ASAP2: variants seen among roughly 807,000 people sequenced by gnomAD.
The protein encoded by ASAP2 is ArfGAP with SH3 domain, ankyrin repeat and PH domain 2.
In ASAP2, 45 loss-of-function variants were observed where a neutral mutation model predicts 131.4. The ratio of observed to expected loss-of-function variants is 0.34; its 90% CI spans 0.27 to 0.44. The LOEUF (loss-of-function observed/expected upper bound fraction) is 0.44, where lower values mean the gene tolerates loss of function less well. Ranked by LOEUF, ASAP2 falls within the 20% of genes least tolerant of loss-of-function variation. ASAP2 has a pLI of 1.00. For missense variants in ASAP2, 1,011 were observed against 1,297.0 expected, an observed-to-expected ratio of 0.78 and a Z score of 3.39; for synonymous variants, 510 against 503.0, an observed-to-expected ratio of 1.01 and a Z score of -0.19.
At chr2:9,250,114 G>A (rs904954716) in intron 1 of ASAP2, among the ~76,000 whole-genome samples, 106 of 152,186 alleles carry the variant, frequency 7.0e-4, no homozygotes, top group Middle Eastern at 3.4e-3. Context: ...TGCTTTGTAG[G>A]GTTTCATAAA....
intron 3 of ASAP2, among the ~76,000 whole-genome samples, chr2:9,297,864 T>C (rs1051833803): frequency 6.6e-6 from 1 of 152,126 alleles, no homozygotes; most frequent in Non-Finnish European, 1.5e-5. Context: ...GCACAGAAAT[T>C]ACCATGAATA....
At chr2:9,393,396 CCCT>C in intron 23 of ASAP2, 83 bp from the exon 24 acceptor site, 1 of 1,191,652 alleles carries the variant, frequency 8.4e-7, no homozygotes, top group Non-Finnish European at 1.1e-6. Flanking sequence ...AAAACTGAAG[CCCT>C]TCTCAGAAAA....
intron 6 of ASAP2, among the ~76,000 whole-genome samples, chr2:9,327,139 G>A (rs114875337): frequency 0.022 from 2,505 of 111,364 alleles, 86 homozygotes; most frequent in African/African-American, 0.081. Flanking sequence ...CCCCACCCCC[G>A]CCCATCCTTT....
At chr2:9,363,475 A>C (rs928927033) in intron 15 of ASAP2, among the ~76,000 whole-genome samples, 1 of 152,208 alleles carries the variant, frequency 6.6e-6, no homozygotes, top group African/African-American at 2.4e-5. Flanking sequence ...GATAAAAGCC[A>C]TTCTAACAGG....
Position 9,239,015 on chromosome 2 carries a change from A to G in ASAP2, c.126+31785A>G, listed in dbSNP as rs116193316. ...GTAGAGAAAGAGTGGCCTCCTGCCC[A>G]TCCCTCCCAGCCCCTCTCTGTCCCG... On this transcript the variant is annotated intron_variant, in intron 1 of 27. Transcript: ENST00000281419. Among the ~76,000 whole-genome samples the G allele has an allele frequency of 5.5e-3, 834 of 152,046 alleles. 6 individuals carry two copies. Among genetic ancestry groups the G allele is most frequent in the African/African-American group, 0.019 (800 of 41,476 alleles).
At chr2:9,302,595 C>T (rs548361429) in intron 3 of ASAP2, among the ~76,000 whole-genome samples, 1 of 152,284 alleles carries the variant, frequency 6.6e-6, no homozygotes, top group East Asian at 1.9e-4. Context: ...GTGCCTCAGC[C>T]TCCCAAGTAG....
chr2:9,230,653 C>T (rs1461831377), intron 1 of ASAP2, among the ~76,000 whole-genome samples: 3 of 152,136 alleles, frequency 2.0e-5, no homozygotes, highest in East Asian at 1.9e-4. Flanking sequence ...AGCTGCTTGG[C>T]GAGGAGGACG....
At chr2:9,397,731 T>G (rs1163805547) in intron 24 of ASAP2, among the ~76,000 whole-genome samples, 942 of 85,002 alleles carry the variant, frequency 0.011, 119 homozygotes, top group African/African-American at 0.075. Flanking sequence ...CAAAAGGATA[T>G]ATATATATAT....
chr2:9,301,260 A>T (rs558769251), intron 3 of ASAP2, among the ~76,000 whole-genome samples: 1 of 152,222 alleles, frequency 6.6e-6, no homozygotes, highest in Non-Finnish European at 1.5e-5. Context: ...AAGAATGTTT[A>T]TAAAGCAGTT....
chr2:9,304,843 A>AT (rs1193568796), intron 3 of ASAP2, among the ~76,000 whole-genome samples: 1 of 134,040 alleles, frequency 7.5e-6, no homozygotes, highest in Non-Finnish European at 1.6e-5. Flanking sequence ...GGGTGTAGAT[A>AT]TTGGTGGAGG....
intron 6 of ASAP2, 148 bp downstream of exon 6, chr2:9,323,398 T>C: frequency 1.6e-6 from 2 of 1,251,464 alleles, no homozygotes; most frequent in South Asian, 1.5e-5. Flanking sequence ...ACATTTCTTT[T>C]ACTAGGGAAG....
chr2:9,391,046 A>G lies in ASAP2; in HGVS notation c.2384-16A>G, dbSNP rs1675676945. ...TGTGTGCGTGCATGCGTCTGTGTGC[A>G]TGCGTGTGGGTTCAGTTCAGACAGC... On this transcript the variant is annotated splice_polypyrimidine_tract_variant and intron_variant, in intron 22 of 27. Transcript: ENST00000281419. 4 of 1,614,178 alleles carry G rather than the reference A, an allele frequency of 2.5e-6. No homozygotes were observed. In the East Asian group the frequency reaches 6.7e-5, roughly 27 times the overall value.
Position 9,400,023 on chromosome 2 carries a change from G to T in ASAP2, c.2685G>T (p.Gly895=). Residue 895 remains glycine (G), a splice_region_variant and synonymous_variant, in exon 25 of 28, where the codon GGG becomes GGT. Transcript: ENST00000281419. The part of the protein sequence containing the change: ...SRLPQKKPAP[G]ADKSTPLTNK... Reference sequence around the variant, plus strand: ...ATCTACTTTTTCCCTGTCTTTGTAGGGCTGACAAGTCCACCCCACTGACCA... The same window carrying T: ...ATCTACTTTTTCCCTGTCTTTGTAGTGCTGACAAGTCCACCCCACTGACCA... 1 of 1,613,256 alleles carries T rather than the reference G, an allele frequency of 6.2e-7. No individual in the cohort carries two copies. The highest frequency in any genetic ancestry group is 8.5e-7 in the Non-Finnish European group (1 of 1,179,676).
intron 9 of ASAP2, among the ~76,000 whole-genome samples, chr2:9,336,938 G>A (rs1281481360): frequency 5.3e-5 from 8 of 152,236 alleles, no homozygotes; most frequent in Admixed American, 5.2e-4. Flanking sequence ...AGCAGCTGCT[G>A]GGGCCAAATG....
intron 20 of ASAP2, among the ~76,000 whole-genome samples, chr2:9,381,315 G>T (rs1213724809): frequency 6.6e-6 from 1 of 152,236 alleles, no homozygotes; most frequent in Non-Finnish European, 1.5e-5. Flanking sequence ...CCCCAGCTTG[G>T]CTTGGGAAGG....
chr2:9,260,363 C>T (rs115076442), intron 1 of ASAP2, among the ~76,000 whole-genome samples: 149 of 152,276 alleles, frequency 9.8e-4, no homozygotes, highest in Admixed American at 2.0e-3. Context: ...TGTGCACCTT[C>T]GGGCCCTCCC....
intron 1 of ASAP2, among the ~76,000 whole-genome samples, chr2:9,222,405 G>C (rs1662487522): frequency 6.6e-6 from 1 of 152,206 alleles, no homozygotes; most frequent in Non-Finnish European, 1.5e-5. Flanking sequence ...AGGAGGCTTA[G>C]AGCCAGGCCT....
intron 1 of ASAP2, among the ~76,000 whole-genome samples, chr2:9,213,799 C>A (rs1337145495): frequency 6.6e-6 from 1 of 152,218 alleles, no homozygotes; most frequent in African/African-American, 2.4e-5. Context: ...CTTCCAGCAT[C>A]CCCATGGTGA....
chr2:9,342,517 C>T (rs1415200307), intron 9 of ASAP2, among the ~76,000 whole-genome samples: 1 of 152,116 alleles, frequency 6.6e-6, no homozygotes, highest in Non-Finnish European at 1.5e-5. Flanking sequence ...CAAAATGAGT[C>T]AAAGAGCTAA....
Sources: allele counts gnomAD v4.1 joint callset (sites outside exome capture counted in the v4.1 genomes callset), GRCh38; gene constraint gnomAD v4.1.1; transcripts MANE v1.5; gene names NCBI Gene and HGNC (gene_info 2026-07-23, HGNC 2026-07-21).